ZNF529: variants seen among roughly 807,000 people sequenced by gnomAD.
ZNF529 encodes zinc finger protein 529.
ZNF529 carries 11 observed loss-of-function variants against 10.1 expected under a neutral mutation model. The observed-to-expected ratio is 1.09, with a 90% CI of 0.69 to 1.81. The LOEUF is 1.81. ZNF529 is among the 40% of genes most tolerant of loss of function. ZNF529 has a pLI of 0.00. For missense variants in ZNF529, 624 were observed against 666.8 expected (o/e 0.94, Z 0.71); for synonymous variants, 204 against 215.7 (o/e 0.95, Z 0.47).
chr19:36,548,876 G>A (rs1439042540), intron 4 of ZNF529, among the ~76,000 whole-genome samples: 1 of 152,158 alleles, frequency 6.6e-6, no homozygotes, highest in Non-Finnish European at 1.5e-5. Flanking sequence ...GATGGCATGC[G>A]CCTGTAGTCC....
At chr19:36,582,476 C>G (rs895858923) in intron 2 of ZNF529, 1 of 151,960 alleles carries the variant, frequency 6.6e-6, no homozygotes, top group Non-Finnish European at 1.5e-5. Context: ...GAGGCTGAGA[C>G]GGGCAGATCA....
At chr19:36,582,137 T>G (rs1002006461) in intron 2 of ZNF529, 2 of 152,140 alleles carry the variant, frequency 1.3e-5, no homozygotes, top group Non-Finnish European at 2.9e-5. Context: ...GTAGGTTTCT[T>G]GTCGTGGTTG....
rs1195292583 is a variant in ZNF529 at position 36,547,128 on chromosome 19, G to A, written c.1430C>T (p.Pro477Leu). Residue 477 changes from proline (P) to leucine (L), a missense_variant, in exon 5 of 5, where the codon CCT becomes CTT. Coordinates refer to ENST00000591340, the MANE Select transcript of ZNF529 (RefSeq NM_020951.5). ...CTTCCCACATACCTTACATTCATAAGGTTTCTCACCACTATGAATTCTTTG... is the reference window on the plus strand; with the variant it reads ...CTTCCCACATACCTTACATTCATAAAGTTTCTCACCACTATGAATTCTTTG... ...QHQRIHSGEKPYECKVCGKAF... is the reference protein window; with the variant it reads ...QHQRIHSGEKLYECKVCGKAF... The A allele has an allele frequency of 1.9e-6, 3 of 1,613,906 alleles. No individual in the cohort carries two copies. The highest frequency in any genetic ancestry group is 8.5e-7 in the Non-Finnish European group (1 of 1,179,946).
chr19:36,577,798 G>C (rs781371749), upstream of ZNF529: 4 of 152,050 alleles, frequency 2.6e-5, no homozygotes, highest in Non-Finnish European at 4.4e-5. Context: ...TACTCTTTAT[G>C]TTCAGGAAAG....
At chr19:36,554,926 G>A (rs1275042147) in intron 3 of ZNF529, 130 bp from the exon 4 acceptor site, 1 of 708,232 alleles carries the variant, frequency 1.4e-6, no homozygotes, top group Non-Finnish European at 2.0e-6. Context: ...CTGTGACATG[G>A]GAAGTAAGGA....
upstream of ZNF529, among the ~76,000 whole-genome samples, chr19:36,573,780 G>T (rs555804413): frequency 6.6e-6 from 1 of 152,224 alleles, no homozygotes. Flanking sequence ...GGGCTGGGAA[G>T]GCCTGAAGCG....
intron 2 of ZNF529, chr19:36,580,883 GTAT>G (rs1373656772): frequency 6.6e-6 from 1 of 152,122 alleles, no homozygotes; most frequent in Non-Finnish European, 1.5e-5. Context: ...ATTGTATTAA[GTAT>G]TATAAAAAAT....
upstream of ZNF529, among the ~76,000 whole-genome samples, chr19:36,578,291 CTTTTTTTTT>C (rs1159725232): frequency 9.4e-5 from 3 of 31,786 alleles, no homozygotes; most frequent in South Asian, 1.8e-3. Flanking sequence ...GTCTTGATCT[CTTTTTTTTT>C]TTTTTTTTTT....
intron 2 of ZNF529, among the ~76,000 whole-genome samples, chr19:36,579,075 G>A (rs2036405624): frequency 6.6e-6 from 1 of 151,912 alleles, no homozygotes; most frequent in African/African-American, 2.4e-5. Flanking sequence ...GGTCGTGGGT[G>A]CCTGTAATCC....
chr19:36,561,756 C>T (rs553632224), intron 2 of ZNF529, among the ~76,000 whole-genome samples: 2 of 152,340 alleles, frequency 1.3e-5, no homozygotes, highest in African/African-American at 2.4e-5. Context: ...ACACCAAAGC[C>T]ATGGTGGCAG....
At chr19:36,593,084 GC>G (rs2036762040) in intron 1 of ZNF529, among the ~76,000 whole-genome samples, 1 of 152,096 alleles carries the variant, frequency 6.6e-6, no homozygotes, top group East Asian at 1.9e-4. Context: ...TTACAATAAG[GC>G]AACAAAATAA....
At chr19:36,590,494 G>A (rs1395501642) in intron 1 of ZNF529, among the ~76,000 whole-genome samples, 1 of 152,070 alleles carries the variant, frequency 6.6e-6, no homozygotes, top group East Asian at 1.9e-4. Context: ...AATAACTACA[G>A]GTTCTACTTT....
At chr19:36,569,097 T>C (rs1033841278) in intron 2 of ZNF529, among the ~76,000 whole-genome samples, 3 of 152,184 alleles carry the variant, frequency 2.0e-5, no homozygotes, top group African/African-American at 7.2e-5. Context: ...TACACAGGTA[T>C]AGGCACAGGC....
At chr19:36,590,015 A>G (rs756912843) in intron 1 of ZNF529, among the ~76,000 whole-genome samples, 15 of 152,352 alleles carry the variant, frequency 9.8e-5, no homozygotes, top group Admixed American at 2.0e-4. Flanking sequence ...TAGGTTAAAG[A>G]AGAAATCAAA....
At chr19:36,578,262 C>T (rs1272028936), upstream of ZNF529, among the ~76,000 whole-genome samples, 2 of 110,026 alleles carry the variant, frequency 1.8e-5, no homozygotes, top group Non-Finnish European at 3.6e-5. Context: ...GACGAGGTTT[C>T]AACATGTTGG....
rs11448179 is a variant in ZNF529, at chr19:36,572,316, CA to C, written c.14+16del. ...AAAACCAAGGGACCAGGTAAATGAACAAAAAAAAAAACTAACCTTGAGTTGG... is the reference window on the plus strand; with the variant it reads ...AAAACCAAGGGACCAGGTAAATGAACAAAAAAAAAACTAACCTTGAGTTGG... On this transcript the variant is annotated intron_variant, in intron 2 of 4. Transcript: ENST00000591340. 305 of 1,399,412 alleles carry C rather than the reference CA, an allele frequency of 2.2e-4. No individual in the cohort carries two copies. The highest frequency in any genetic ancestry group is 5.7e-4 in the South Asian group (43 of 75,186). 86.7% of individuals were successfully genotyped at this position (1,399,412 alleles called of 1,614,324 possible). A position where few individuals can be genotyped will look rare whatever the true frequency, so the allele number is the denominator to read the frequency against.
At chr19:36,554,455 G>A (rs1369756327) in intron 4 of ZNF529, among the ~76,000 whole-genome samples, 1 of 152,102 alleles carries the variant, frequency 6.6e-6, no homozygotes, top group Non-Finnish European at 1.5e-5. Flanking sequence ...GCGGGCTCCT[G>A]TAATTCCAGC....
intron 2 of ZNF529, among the ~76,000 whole-genome samples, chr19:36,569,172 A>C (rs1368251575): frequency 2.0e-5 from 3 of 152,214 alleles, no homozygotes; most frequent in Non-Finnish European, 4.4e-5. Flanking sequence ...CCAAGGCCCT[A>C]ATTAGTGAAG....
chr19:36,590,944 AAG>A (rs1339790839), intron 1 of ZNF529, among the ~76,000 whole-genome samples: 15 of 151,726 alleles, frequency 9.9e-5, no homozygotes, highest in Admixed American at 7.9e-4. Flanking sequence ...AAAAAAAAAA[AAG>A]AGTTGATAAA....
Sources: allele counts gnomAD v4.1 joint callset (sites outside exome capture counted in the v4.1 genomes callset), GRCh38; gene constraint gnomAD v4.1.1; transcripts MANE v1.5; gene names NCBI Gene and HGNC (gene_info 2026-07-23, HGNC 2026-07-21).